OPRM1: variants seen among roughly 807,000 people sequenced by gnomAD.
OPRM1 encodes opioid receptor mu 1.
A neutral mutation model predicts 31.8 loss-of-function variants in OPRM1; 27 were observed. The ratio of observed to expected loss-of-function variants is 0.85; its 90% confidence interval spans 0.63 to 1.17. The LOEUF is 1.17. OPRM1 is among the 50% of genes most tolerant of loss of function. The probability of loss-of-function intolerance (pLI) is 0.00; values close to 1 mark genes in which losing one functional copy is unlikely to be tolerated. For synonymous variants in OPRM1, 196 were observed against 189.9 expected (o/e 1.03, Z -0.26); for missense variants, 536 against 511.1 (o/e 1.05, Z -0.47).
At chr6:154,093,854 A>G (rs1035811120) in intron 3 of OPRM1, among the ~76,000 whole-genome samples, 1 of 152,250 alleles carries the variant, frequency 6.6e-6, no homozygotes, top group African/African-American at 2.4e-5. Context: ...AGTTACAACC[A>G]GACAACTGGA....
At chr6:154,236,212 T>A (rs989379874) in intron 3 of OPRM1, among the ~76,000 whole-genome samples, 2 of 152,176 alleles carry the variant, frequency 1.3e-5, no homozygotes, top group African/African-American at 4.8e-5. Flanking sequence ...AAGATTCAGC[T>A]TAAAAAGGAA....
chr6:154,091,513 C>T, intron 3 of OPRM1, 41 bp downstream of exon 3: 2 of 1,561,618 alleles, frequency 1.3e-6, no homozygotes, highest in Non-Finnish European at 1.7e-6. Context: ...CTGGGGATGA[C>T]ATAAAAATTA....
intron 3 of OPRM1, among the ~76,000 whole-genome samples, chr6:154,228,601 A>G (rs1424428033): frequency 6.6e-6 from 1 of 152,178 alleles, no homozygotes; most frequent in Non-Finnish European, 1.5e-5. Flanking sequence ...AGTTGCTGTC[A>G]TTAGGCAGCA....
chr6:154,181,837 T>C (rs1308987813), intron 3 of OPRM1, among the ~76,000 whole-genome samples: 2 of 152,110 alleles, frequency 1.3e-5, no homozygotes, highest in Admixed American at 1.3e-4. Flanking sequence ...CACTTGGGGA[T>C]CATGAACCAG....
chr6:154,159,295 G>A (rs1211137901), intron 3 of OPRM1: 1 of 159,206 alleles, frequency 6.3e-6, no homozygotes, highest in Non-Finnish European at 1.4e-5. Context: ...CATGGAAAAG[G>A]CACCACCATT....
intron 3 of OPRM1, among the ~76,000 whole-genome samples, chr6:154,113,789 A>T (rs978209648): frequency 6.6e-6 from 1 of 152,204 alleles, no homozygotes; most frequent in South Asian, 2.1e-4. Flanking sequence ...CGGGTTGGCA[A>T]TCAGAGCTGC....
chr6:154,084,058 A>G (rs1789875113), intron 1 of OPRM1, among the ~76,000 whole-genome samples: 1 of 151,686 alleles, frequency 6.6e-6, no homozygotes, highest in Admixed American at 6.6e-5. Flanking sequence ...TCTTTGCTTA[A>G]TTTCATACAG....
intron 1 of OPRM1, among the ~76,000 whole-genome samples, chr6:154,053,892 T>C (rs1782676708): frequency 6.6e-6 from 1 of 152,204 alleles, no homozygotes; most frequent in Non-Finnish European, 1.5e-5. Context: ...GAGAATTGGA[T>C]CTAAATTCTA....
intron 1 of OPRM1, among the ~76,000 whole-genome samples, chr6:154,049,761 C>T (rs1781840956): frequency 6.6e-6 from 1 of 152,142 alleles, no homozygotes; most frequent in Non-Finnish European, 1.5e-5. Flanking sequence ...TCATGAGTCA[C>T]CAGATACCCA....
intron 3 of OPRM1, among the ~76,000 whole-genome samples, chr6:154,208,817 A>G (rs1193707880): frequency 3.3e-5 from 5 of 152,254 alleles, no homozygotes; most frequent in African/African-American, 7.2e-5. Flanking sequence ...AACTAAAGGA[A>G]TCACAGATAA....
chr6:154,184,310 C>A (rs1047935842), intron 3 of OPRM1, among the ~76,000 whole-genome samples: 2 of 151,974 alleles, frequency 1.3e-5, no homozygotes, highest in Non-Finnish European at 2.9e-5. Context: ...TTGGAAATCA[C>A]CTACATTTCC....
chr6:154,216,959 AC>A, intron 3 of OPRM1: 1 of 162,612 alleles, frequency 6.1e-6, no homozygotes, highest in Non-Finnish European at 1.4e-5. Context: ...GACCCAAAAA[AC>A]CCCATAAAAC....
intron 3 of OPRM1, chr6:154,094,130 G>A (rs887099445): frequency 6.4e-6 from 5 of 779,726 alleles, no homozygotes; most frequent in Admixed American, 2.3e-5. Flanking sequence ...TCTGCCTTAT[G>A]TATTTGTACT....
intron 3 of OPRM1, among the ~76,000 whole-genome samples, chr6:154,150,600 A>C (rs563315764): frequency 6.6e-6 from 1 of 152,344 alleles, no homozygotes; most frequent in African/African-American, 2.4e-5. Context: ...CCTATATCCC[A>C]ATAAGGAGGA....
At chr6:154,218,927 A>T (rs937781963) in intron 3 of OPRM1, 1 of 152,232 alleles carries the variant, frequency 6.6e-6, no homozygotes, top group African/African-American at 2.4e-5. Flanking sequence ...TAAAATGAAC[A>T]GATCTTCATA....
intron 1 of OPRM1, 62 bp from the exon 2 acceptor site, chr6:154,089,764 C>T (rs1791587994): frequency 2.7e-6 from 3 of 1,124,184 alleles, no homozygotes; most frequent in African/African-American, 3.1e-5. Flanking sequence ...TTATTGGAAG[C>T]TTACCTATAT....
intron 1 of OPRM1, among the ~76,000 whole-genome samples, chr6:154,068,516 C>T (rs181663661): frequency 6.6e-5 from 10 of 152,234 alleles, no homozygotes; most frequent in East Asian, 1.9e-4. Context: ...GGTTGACCCA[C>T]GGTCACAAAT....
intron 3 of OPRM1, among the ~76,000 whole-genome samples, chr6:154,231,750 A>C (rs1276469358): frequency 6.6e-6 from 1 of 152,262 alleles, no homozygotes; most frequent in East Asian, 1.9e-4. Flanking sequence ...AAGAGGATAG[A>C]GAACAGAGAT....
At chr6:154,212,005 TA>T (rs1227218649) in intron 3 of OPRM1, among the ~76,000 whole-genome samples, 1 of 152,196 alleles carries the variant, frequency 6.6e-6, no homozygotes, top group Non-Finnish European at 1.5e-5. Context: ...ATGCATTAAA[TA>T]AAATGCAAAT....
Sources: gnomAD v4.1 joint callset for allele counts (sites outside exome capture counted in the v4.1 genomes callset) on GRCh38, gnomAD v4.1.1 for gene constraint, MANE v1.5 for transcripts, NCBI Gene and HGNC (gene_info 2026-07-23, HGNC 2026-07-21) for gene names.